HDGFL3: variants seen among roughly 807,000 people sequenced by gnomAD.
HDGFL3 encodes hepatoma-derived growth factor-related protein 3.
HDGFL3 carries 6 observed loss-of-function variants against 27.6 expected under a neutral mutation model. The ratio of observed to expected loss-of-function variants is 0.22; its 90% CI spans 0.12 to 0.43. HDGFL3 has a LOEUF of 0.43. HDGFL3 is among the 20% of genes least tolerant of loss of function. HDGFL3 has a pLI of 1.00. For missense variants in HDGFL3, 207 were observed against 250.1 expected (o/e 0.83, Z 1.16); for synonymous variants, 88 against 88.9 (o/e 0.99, Z 0.05).
At chr15:83,116,717 C>T (rs1567137316) in intron 3 of HDGFL3, among the ~76,000 whole-genome samples, 1 of 152,132 alleles carries the variant, frequency 6.6e-6, no homozygotes, top group African/African-American at 2.4e-5. Context: ...GGGGCATAAA[C>T]GTGGCTGGAT....
chr15:83,187,091 T>A (rs952185942), intron 1 of HDGFL3, among the ~76,000 whole-genome samples: 1 of 152,184 alleles, frequency 6.6e-6, no homozygotes, highest in African/African-American at 2.4e-5. Flanking sequence ...TTTCATGTCA[T>A]ATATATACAC....
intron 1 of HDGFL3, among the ~76,000 whole-genome samples, chr15:83,165,415 C>T (rs1040378118): frequency 6.6e-6 from 1 of 152,098 alleles, no homozygotes; most frequent in Non-Finnish European, 1.5e-5. Context: ...TAGCACATAC[C>T]AGTTGCTTAA....
At position 83,151,673 on chromosome 15, in the gene HDGFL3, T is replaced by C. The variant is rs540826058; in HGVS notation, c.460-312A>G. Reference sequence around the variant, plus strand: ...ACCTAGAACACTGTCAATGAATAAATACAGCTGGATGGACACCACCTTAAG... The same window carrying C: ...ACCTAGAACACTGTCAATGAATAAACACAGCTGGATGGACACCACCTTAAG... On this transcript the variant is annotated intron_variant, in intron 4 of 5. Transcript: ENST00000299633. Among the ~76,000 whole-genome samples the C allele has an allele frequency of 1.4e-4, 22 of 152,256 alleles. 1 individual carries two copies. The South Asian group carries it at 4.6e-3, about 32-fold the overall frequency.
intron 2 of HDGFL3, 119 bp from the exon 3 acceptor site, chr15:83,158,160 T>C (rs2037056529): frequency 1.2e-6 from 1 of 811,646 alleles, no homozygotes; most frequent in African/African-American, 1.8e-5. Context: ...AAAGTACATA[T>C]AAACCCTTCA....
At chr15:83,166,897 C>G (rs943827342) in intron 1 of HDGFL3, among the ~76,000 whole-genome samples, 1 of 152,216 alleles carries the variant, frequency 6.6e-6, no homozygotes, top group East Asian at 1.9e-4. Flanking sequence ...TCACCTCCCA[C>G]CAGGCTCCTC....
intron 1 of HDGFL3, among the ~76,000 whole-genome samples, chr15:83,175,448 T>C (rs927001671): frequency 1.3e-5 from 2 of 152,226 alleles, no homozygotes; most frequent in African/African-American, 4.8e-5. Flanking sequence ...GCACAGTTTT[T>C]CTTAGCTTCT....
chr15:83,141,995 G>A (rs572467184), intron 5 of HDGFL3, among the ~76,000 whole-genome samples: 4 of 152,230 alleles, frequency 2.6e-5, no homozygotes, highest in African/African-American at 9.6e-5. Flanking sequence ...CAACTCAATG[G>A]CTATTACTAA....
Position 83,188,410 on chromosome 15 carries a change from T to C in HDGFL3, c.84+18921A>G, listed in dbSNP as rs568447330. On this transcript the variant is annotated intron_variant, in intron 1 of 5. Transcript: ENST00000299633. ...GGACTACAGGTGTGCACCACCACTA[T>C]ACCCAGCTAATTTTTGTATGTTTTG... Among the ~76,000 whole-genome samples the C allele has an allele frequency of 8.5e-5, 13 of 152,208 alleles. No homozygotes were observed. The East Asian group carries it at 1.4e-3, about 16-fold the overall frequency.
chr15:83,136,747 A>G lies in HDGFL3; in HGVS notation c.*2523T>C. 8 of 1,274,030 alleles carry G rather than the reference A, an allele frequency of 6.3e-6. No homozygotes were observed. The highest frequency in any genetic ancestry group is 8.8e-6 in the Non-Finnish European group (8 of 912,324). The allele number at this position is 1,274,030 out of a possible 1,614,324, so 78.9% of individuals were successfully genotyped here. A position where few individuals can be genotyped will look rare whatever the true frequency, so the allele number is the denominator to read the frequency against. Reference sequence around the variant, plus strand: ...TGGTACTGATATTTTGTCCCATTTCACTCTCTTCTCATACGTGAGTACTTA... The same window carrying G: ...TGGTACTGATATTTTGTCCCATTTCGCTCTCTTCTCATACGTGAGTACTTA... On this transcript the variant is annotated 3_prime_UTR_variant, in exon 6 of 6. Coordinates refer to ENST00000299633, the MANE Select transcript of HDGFL3 (RefSeq NM_016073.4).
chr15:83,197,787 C>T (rs753014618), intron 1 of HDGFL3, among the ~76,000 whole-genome samples: 19 of 151,986 alleles, frequency 1.3e-4, no homozygotes, highest in Non-Finnish European at 1.9e-4. Context: ...AATTATAGGC[C>T]GGGCACGGTG....
At chr15:83,193,439 C>T (rs139026874) in intron 1 of HDGFL3, among the ~76,000 whole-genome samples, 4 of 152,150 alleles carry the variant, frequency 2.6e-5, no homozygotes, top group East Asian at 1.9e-4. Context: ...TAAGCATCGG[C>T]GAGGAAGTAA....
intron 5 of HDGFL3, among the ~76,000 whole-genome samples, chr15:83,145,593 T>A (rs1171891003): frequency 1.3e-5 from 2 of 152,076 alleles, no homozygotes; most frequent in African/African-American, 4.8e-5. Flanking sequence ...CTACCTTCCC[T>A]GAAAATAAAA....
downstream of HDGFL3, chr15:83,126,660 C>T: frequency 1.1e-6 from 1 of 945,554 alleles, no homozygotes; most frequent in South Asian, 1.6e-5. Flanking sequence ...AACAGCAAAG[C>T]AGCTTGTGAC....
rs529650220 is a variant in HDGFL3 at position 83,206,334 on chromosome 15, C to G, written c.84+997G>C. Among the ~76,000 whole-genome samples the G allele has an allele frequency of 3.3e-5, 5 of 152,166 alleles. No homozygotes were observed. The East Asian group carries it at 7.7e-4, about 23-fold the overall frequency. On this transcript the variant is annotated intron_variant, in intron 1 of 5. Coordinates refer to ENST00000299633, the MANE Select transcript of HDGFL3 (RefSeq NM_016073.4). ...GACTGTTTCCGTTCCTAAAGAATAC[C>G]AATATAATCTCTAGAATGCCTTGAC...
intron 5 of HDGFL3, among the ~76,000 whole-genome samples, chr15:83,146,780 G>A (rs2036901497): frequency 6.6e-6 from 1 of 152,106 alleles, no homozygotes; most frequent in African/African-American, 2.4e-5. Context: ...AGTATTACCT[G>A]GCAATTCAAC....
Position 83,133,059 on chromosome 15 carries a change from C to T in HDGFL3, c.*6211G>A, listed in dbSNP as rs1227458844. ...TGACACTGTCTAAGCATGTCACAAA[C>T]ATCACCTCACTGAACCCTCATAACA... On this transcript the variant is annotated 3_prime_UTR_variant, in exon 6 of 6. Transcript: ENST00000299633. The T allele has an allele frequency of 6.6e-6, 1 of 152,192 alleles. No homozygotes were observed. The highest frequency in any genetic ancestry group is 1.5e-5 in the Non-Finnish European group (1 of 68,030). The allele number at this position is 152,192 out of a possible 1,614,324, so 9.4% of individuals were successfully genotyped here.
At chr15:83,184,970 G>A (rs1340750188) in intron 1 of HDGFL3, 2 of 152,194 alleles carry the variant, frequency 1.3e-5, no homozygotes, top group Non-Finnish European at 2.9e-5. Flanking sequence ...GAGGTTATTA[G>A]GAGATAATTT....
At position 83,194,041 on chromosome 15, in the gene HDGFL3, A is replaced by G. The variant is rs891000305; in HGVS notation, c.84+13290T>C. Reference sequence around the variant, plus strand: ...TTGGGGGCTCACCTGTCCTGCATCAATATGAACAAGGAATTCAACTTCTGG... The same window carrying G: ...TTGGGGGCTCACCTGTCCTGCATCAGTATGAACAAGGAATTCAACTTCTGG... On this transcript the variant is annotated intron_variant, in intron 1 of 5. Transcript: ENST00000299633. Among the ~76,000 whole-genome samples the G allele has an allele frequency of 2.0e-5, 3 of 152,170 alleles. No homozygotes were observed. The South Asian group carries it at 6.2e-4, about 31-fold the overall frequency.
At chr15:83,145,030 C>T (rs1027009024) in intron 5 of HDGFL3, among the ~76,000 whole-genome samples, 1 of 151,692 alleles carries the variant, frequency 6.6e-6, no homozygotes. Flanking sequence ...CTGCTAGTGG[C>T]AGAAGGGAGG....
Sources: allele counts gnomAD v4.1 joint callset (sites outside exome capture counted in the v4.1 genomes callset), GRCh38; gene constraint gnomAD v4.1.1; transcripts MANE v1.5; gene names NCBI Gene and HGNC (gene_info 2026-07-23, HGNC 2026-07-21).